GABRG3: variants seen among roughly 807,000 people sequenced by gnomAD.
GABRG3 encodes gamma-aminobutyric acid receptor subunit gamma-3.
A neutral mutation model predicts 48.8 loss-of-function variants in GABRG3; 25 were observed. The observed-to-expected ratio is 0.51, with a 90% CI of 0.37 to 0.72. The LOEUF (loss-of-function observed/expected upper bound fraction) is 0.72. Among genes scored for constraint, GABRG3 ranks in the 30% least tolerant of loss-of-function variants. The pLI, the probability that GABRG3 is intolerant of heterozygous loss-of-function variation, is 0.00. For missense variants in GABRG3, 394 were observed against 577.9 expected, an observed-to-expected ratio of 0.68 and a Z score of 3.26; for synonymous variants, 227 against 217.6, an observed-to-expected ratio of 1.04 and a Z score of -0.38.
chr15:27,244,667 C>A (rs1362505070), intron 3 of GABRG3, among the ~76,000 whole-genome samples: 4 of 152,102 alleles, frequency 2.6e-5, no homozygotes, highest in Non-Finnish European at 5.9e-5. Flanking sequence ...CCTGTAGTCC[C>A]AGCTACTCAG....
chr15:27,173,443 AAGAGAG>A (rs1186266590), intron 3 of GABRG3, among the ~76,000 whole-genome samples: 1 of 152,176 alleles, frequency 6.6e-6, no homozygotes, highest in Non-Finnish European at 1.5e-5. Flanking sequence ...TTTATTGAGA[AAGAGAG>A]AGAGATTCTG....
intron 3 of GABRG3, among the ~76,000 whole-genome samples, chr15:27,267,021 T>G (rs563497880): frequency 9.2e-5 from 14 of 152,180 alleles, no homozygotes; most frequent in Non-Finnish European, 2.9e-5. Context: ...GGCTAGAACC[T>G]TCAATATAAA....
chr15:26,985,962 TG>T (rs972986893), intron 2 of GABRG3, among the ~76,000 whole-genome samples: 1 of 152,126 alleles, frequency 6.6e-6, no homozygotes, highest in African/African-American at 2.4e-5. Flanking sequence ...TGAGATATTT[TG>T]GGGTCCCTCG....
chr15:27,057,436 A>G (rs552368827), intron 3 of GABRG3, among the ~76,000 whole-genome samples: 2 of 152,242 alleles, frequency 1.3e-5, no homozygotes, highest in Non-Finnish European at 2.9e-5. Context: ...AAAATGGTAA[A>G]TGACAAGTAC....
intron 3 of GABRG3, among the ~76,000 whole-genome samples, chr15:27,113,777 T>TCGCA (rs1897595061): frequency 6.6e-6 from 1 of 152,188 alleles, no homozygotes; most frequent in East Asian, 1.9e-4. Flanking sequence ...GTATGTTTAA[T>TCGCA]CGCAGGTGGG....
intron 5 of GABRG3, among the ~76,000 whole-genome samples, chr15:27,378,204 T>C (rs1195080754): frequency 6.6e-6 from 1 of 152,202 alleles, no homozygotes; most frequent in Non-Finnish European, 1.5e-5. Context: ...AGTTCTTCCA[T>C]TTCCTTTTAA....
At chr15:27,147,422 A>G (rs1382188098) in intron 3 of GABRG3, among the ~76,000 whole-genome samples, 1 of 152,020 alleles carries the variant, frequency 6.6e-6, no homozygotes, top group African/African-American at 2.4e-5. Context: ...GAAGATTAAC[A>G]AGGACATAGA....
At position 27,511,361 on chromosome 15, in the gene GABRG3, T is replaced by C. The variant is rs1890891262; in HGVS notation, c.713-8611T>C. ...AGGAGCATCCCTGAGCCGTGTCCCC[T>C]CTGATAGCGAAAGGGAGGTGTTGGT... is the stretch of plus-strand genomic sequence containing the variant. On this transcript the variant is annotated intron_variant, in intron 6 of 9. Coordinates refer to ENST00000615808, the MANE Select transcript of GABRG3 (RefSeq NM_033223.5). Among the ~76,000 whole-genome samples, 4 of 152,256 alleles carry C rather than the reference T, an allele frequency of 2.6e-5. No homozygotes were observed. The East Asian group carries it at 7.7e-4, about 29-fold the overall frequency.
At chr15:27,483,082 A>T (rs111408050) in intron 6 of GABRG3, 1 of 152,256 alleles carries the variant, frequency 6.6e-6, no homozygotes, top group South Asian at 2.1e-4. Context: ...GTTCAAAAAC[A>T]TTAGTCACTG....
Position 27,480,708 on chromosome 15 carries a change from T to C in GABRG3, c.633T>C (p.Ala211=), listed in dbSNP as rs779910417. 2.5e-5 allele frequency: 41 copies of C among 1,613,202 alleles called. No individual in the cohort carries two copies. The highest frequency in any genetic ancestry group is 3.4e-5 in the Non-Finnish European group (40 of 1,179,588). ...GGAGAAAAAATTCAGTGGAGGCAGCTGACCAGAAATCATGGCGGCTTTATC... is the reference window on the plus strand; with the variant it reads ...GGAGAAAAAATTCAGTGGAGGCAGCCGACCAGAAATCATGGCGGCTTTATC... The part of the protein sequence containing the change: ...YRWRKNSVEA[A]DQKSWRLYQF... The change falls in exon 6 of 10, where the codon GCT becomes GCC. Residue 211 remains alanine, a synonymous_variant. Transcript: ENST00000615808.
At position 27,434,386 on chromosome 15, in the gene GABRG3, A is replaced by G. The variant is rs561684885; in HGVS notation, c.575-46264A>G. 2.7e-4 allele frequency among the ~76,000 whole-genome samples: 41 copies of G among 152,332 alleles called. 1 individual carries two copies. The highest frequency in any genetic ancestry group is 9.9e-4 in the African/African-American group (41 of 41,586). On this transcript the variant is annotated intron_variant, in intron 5 of 9. Transcript: ENST00000615808. ...AGCAAAAGAAACGTTTAACTTACAC[A>G]AAGAGGTCTGTACTATACCATTGAT...
At chr15:26,996,888 G>T (rs568420286) in intron 2 of GABRG3, among the ~76,000 whole-genome samples, 2 of 152,032 alleles carry the variant, frequency 1.3e-5, no homozygotes, top group African/African-American at 2.4e-5. Flanking sequence ...TCCTGAACTC[G>T]TGATCAGCCC....
chr15:27,295,233 C>T (rs969415570), intron 3 of GABRG3: 3 of 152,180 alleles, frequency 2.0e-5, no homozygotes, highest in Non-Finnish European at 4.4e-5. Flanking sequence ...ATTTCGCCTT[C>T]CTTTCCAGTT....
At chr15:27,056,353 CAAAAAAAAAA>C (rs58665097) in intron 3 of GABRG3, among the ~76,000 whole-genome samples, 1 of 57,162 alleles carries the variant, frequency 1.7e-5, no homozygotes, top group Non-Finnish European at 3.6e-5. Flanking sequence ...ACCCTGTCTC[CAAAAAAAAAA>C]AAAAAAAAAA....
intron 5 of GABRG3, among the ~76,000 whole-genome samples, chr15:27,416,772 T>C (rs1307467762): frequency 1.3e-5 from 2 of 152,178 alleles, no homozygotes; most frequent in African/African-American, 2.4e-5. Context: ...TATGTGCCGA[T>C]CAGCCTGTCC....
intron 5 of GABRG3, among the ~76,000 whole-genome samples, chr15:27,417,227 G>T (rs1191750596): frequency 6.6e-6 from 1 of 152,132 alleles, no homozygotes; most frequent in African/African-American, 2.4e-5. Context: ...GTATGCAGTG[G>T]GTAGAGCCCA....
At position 27,534,520 on chromosome 15, in the gene GABRG3, C is replaced by A. The variant is rs1317306915; in HGVS notation, c.*1639C>A. 1 of 152,214 alleles carries A rather than the reference C, an allele frequency of 6.6e-6. No homozygotes were observed. The highest frequency in any genetic ancestry group is 1.5e-5 in the Non-Finnish European group (1 of 68,038). The allele number at this position is 152,214 out of a possible 1,614,324, so 9.4% of individuals were successfully genotyped here. A position where few individuals can be genotyped will look rare whatever the true frequency, so the allele number is the denominator to read the frequency against. Reference sequence around the variant, plus strand: ...CATTGTTAAAATTTGAAACCAGAATCTCTGTGCTTCTCATCTTTCTCACAT... The same window carrying A: ...CATTGTTAAAATTTGAAACCAGAATATCTGTGCTTCTCATCTTTCTCACAT... On this transcript the variant is annotated 3_prime_UTR_variant, in exon 10 of 10. Coordinates refer to ENST00000615808, the MANE Select transcript of GABRG3 (RefSeq NM_033223.5).
At chr15:27,334,891 G>C (rs1893913617) in intron 5 of GABRG3, among the ~76,000 whole-genome samples, 1 of 152,186 alleles carries the variant, frequency 6.6e-6, no homozygotes, top group Non-Finnish European at 1.5e-5. Flanking sequence ...AGTGATAAAT[G>C]AGACCTTGTC....
rs141844832 is a variant in GABRG3 at position 27,434,038 on chromosome 15, G to T, written c.575-46612G>T. Among the ~76,000 whole-genome samples the T allele has an allele frequency of 1.2e-3, 183 of 152,244 alleles. 3 individuals carry two copies. The East Asian group carries it at 0.033, about 27-fold the overall frequency. On this transcript the variant is annotated intron_variant, in intron 5 of 9. Transcript: ENST00000615808. ...TTCCTCATTAGTTATCCATGTCAGC[G>T]CTGCTATGGAAAGGCCGTGATCTGA...
Sources: allele counts gnomAD v4.1 joint callset (sites outside exome capture counted in the v4.1 genomes callset), GRCh38; gene constraint gnomAD v4.1.1; transcripts MANE v1.5; gene names NCBI Gene and HGNC (gene_info 2026-07-23, HGNC 2026-07-21).